Variants in SLCO5A1 observed in about 807,000 individuals in gnomAD.
The protein encoded by SLCO5A1 is solute carrier organic anion transporter family member 5A1.
In SLCO5A1, 39 loss-of-function variants were observed where a neutral mutation model predicts 65.1. The ratio of observed to expected loss-of-function variants is 0.60; its 90% CI spans 0.46 to 0.78. The LOEUF is 0.78. Ranked by LOEUF, SLCO5A1 falls within the 30% of genes least tolerant of loss-of-function variation. The pLI is 0.00. For missense variants in SLCO5A1, 1,029 were observed against 1,069.4 expected (o/e 0.96, Z 0.53); for synonymous variants, 438 against 415.7 (o/e 1.05, Z -0.65).
intron 4 of SLCO5A1, among the ~76,000 whole-genome samples, chr8:69,743,869 A>G (rs1816910251): frequency 6.6e-6 from 1 of 152,124 alleles, no homozygotes; most frequent in African/African-American, 2.4e-5. Context: ...TTTCCCTTGG[A>G]GTGTTTGCAT....
chr8:69,733,997 G>A (rs1470983269), intron 5 of SLCO5A1, among the ~76,000 whole-genome samples: 2 of 151,162 alleles, frequency 1.3e-5, no homozygotes, highest in African/African-American at 4.9e-5. Context: ...AAGACCATGA[G>A]CAGGGAGAGC....
chr8:69,826,818 A>G (rs1187842693), intron 2 of SLCO5A1, among the ~76,000 whole-genome samples: 1 of 152,204 alleles, frequency 6.6e-6, no homozygotes, highest in African/African-American at 2.4e-5. Context: ...AAGGACTGTA[A>G]ATCATGCTGC....
chr8:69,697,560 G>T (rs1382465398), intron 6 of SLCO5A1, among the ~76,000 whole-genome samples: 4 of 152,060 alleles, frequency 2.6e-5, no homozygotes, highest in Non-Finnish European at 4.4e-5. Context: ...AGAGTGGGGG[G>T]ACAGCGGGCT....
intron 2 of SLCO5A1, among the ~76,000 whole-genome samples, chr8:69,766,938 A>G (rs1818086352): frequency 6.6e-6 from 1 of 152,202 alleles, no homozygotes; most frequent in Non-Finnish European, 1.5e-5. Flanking sequence ...ACTGTCATGA[A>G]CAACAGTAGA....
At chr8:69,798,278 T>G (rs777567815) in intron 2 of SLCO5A1, among the ~76,000 whole-genome samples, 13 of 152,156 alleles carry the variant, frequency 8.5e-5, no homozygotes, top group Non-Finnish European at 1.6e-4. Context: ...CACTCCTCAG[T>G]ACCAATTTTC....
chr8:69,716,897 A>G (rs1434218742), intron 5 of SLCO5A1, among the ~76,000 whole-genome samples: 1 of 151,192 alleles, frequency 6.6e-6, no homozygotes, highest in Admixed American at 6.6e-5. Context: ...CTCCCTCCTC[A>G]GCCTCCCAAA....
intron 2 of SLCO5A1, among the ~76,000 whole-genome samples, chr8:69,785,413 T>C (rs1248621075): frequency 6.6e-6 from 1 of 152,192 alleles, no homozygotes; most frequent in Non-Finnish European, 1.5e-5. Flanking sequence ...CAAAAAAATA[T>C]AATTATTGAC....
intron 6 of SLCO5A1, among the ~76,000 whole-genome samples, chr8:69,687,404 A>G (rs1814049113): frequency 6.6e-6 from 1 of 152,196 alleles, no homozygotes; most frequent in African/African-American, 2.4e-5. Flanking sequence ...TCTAATTGTT[A>G]TTTTTATCAT....
chr8:69,754,508 C>CT (rs149359350), intron 4 of SLCO5A1, among the ~76,000 whole-genome samples: 3,513 of 152,154 alleles, frequency 0.023, 150 homozygotes, highest in African/African-American at 0.08. Flanking sequence ...TAAATTTTAC[C>CT]TAACACAACC....
intron 4 of SLCO5A1, among the ~76,000 whole-genome samples, chr8:69,750,775 T>C (rs1215828590): frequency 6.6e-6 from 1 of 152,170 alleles, no homozygotes; most frequent in Non-Finnish European, 1.5e-5. Flanking sequence ...GCACCTGTTC[T>C]CTTCTTATGG....
At position 69,832,903 on chromosome 8, in the gene SLCO5A1, G is replaced by A; in HGVS notation, c.-230C>T. On this transcript the variant is annotated 5_prime_UTR_variant, in exon 2 of 10. Coordinates refer to ENST00000260126, the MANE Select transcript of SLCO5A1 (RefSeq NM_030958.3). The surrounding 1 kb of genome is among the most constrained non-coding windows in gnomAD (Gnocchi z 4.5). The stretch of plus-strand genomic sequence containing the variant: ...GCAGCCGCGTGCCACAGGGGGCAGG[G>A]GTCCGCGCGGTACTGCGATGAGCCC... 1.7e-6 allele frequency: 1 copy of A among 583,086 alleles called. No individual in the cohort carries two copies. Among genetic ancestry groups the A allele is most frequent in the Non-Finnish European group, 3.0e-6 (1 of 332,822 alleles). 36.1% of individuals were successfully genotyped at this position (583,086 alleles called of 1,614,324 possible).
chr8:69,818,596 T>G (rs1820502189), intron 2 of SLCO5A1, among the ~76,000 whole-genome samples: 1 of 152,236 alleles, frequency 6.6e-6, no homozygotes, highest in African/African-American at 2.4e-5. Flanking sequence ...TGATCTCTGT[T>G]ATTTGTGGGT....
chr8:69,692,575 C>T (rs1347835513), intron 6 of SLCO5A1, among the ~76,000 whole-genome samples: 1 of 152,224 alleles, frequency 6.6e-6, no homozygotes, highest in Non-Finnish European at 1.5e-5. Context: ...TTAAAGCACA[C>T]ATTGAACTGT....
intron 2 of SLCO5A1, among the ~76,000 whole-genome samples, chr8:69,763,942 G>A (rs775770982): frequency 1.3e-5 from 2 of 151,992 alleles, no homozygotes; most frequent in Non-Finnish European, 2.9e-5. Flanking sequence ...TTGGCTCACT[G>A]CAACCTCTGC....
chr8:69,696,340 G>A (rs182441771), intron 6 of SLCO5A1, among the ~76,000 whole-genome samples: 39 of 152,298 alleles, frequency 2.6e-4, no homozygotes, highest in Admixed American at 1.6e-3. Context: ...GGCAGAGGCC[G>A]CCTTGGAGAA....
intron 6 of SLCO5A1, among the ~76,000 whole-genome samples, chr8:69,693,209 T>C (rs2959584): frequency 0.5 from 75,660 of 152,114 alleles, 20,376 homozygotes; most frequent in African/African-American, 0.72. Context: ...TGTCCATTCA[T>C]CTGTCTATGG....
At chr8:69,802,137 A>C (rs569121050) in intron 2 of SLCO5A1, among the ~76,000 whole-genome samples, 2 of 152,262 alleles carry the variant, frequency 1.3e-5, no homozygotes, top group South Asian at 2.1e-4. Context: ...AAAATACCTT[A>C]TCTCTCTCCT....
intron 2 of SLCO5A1, among the ~76,000 whole-genome samples, chr8:69,772,250 A>G (rs1236068910): frequency 6.6e-6 from 1 of 152,162 alleles, no homozygotes; most frequent in Non-Finnish European, 1.5e-5. Context: ...ATCACAAGAA[A>G]TAATTCTGGC....
chr8:69,826,322 C>G (rs1049091237), intron 2 of SLCO5A1, among the ~76,000 whole-genome samples: 2 of 151,806 alleles, frequency 1.3e-5, no homozygotes, highest in Non-Finnish European at 2.9e-5. Flanking sequence ...GCAAAAGAAA[C>G]TACCATCAGA....
Sources: gnomAD v4.1 joint callset for allele counts (sites outside exome capture counted in the v4.1 genomes callset) on GRCh38, gnomAD v4.1.1 for gene constraint, Gnocchi (gnomAD v3.1) non-coding constraint, MANE v1.5 for transcripts, NCBI Gene and HGNC (gene_info 2026-07-23, HGNC 2026-07-21) for gene names.